Variants in EPC1 observed in about 807,000 individuals in gnomAD.
EPC1 encodes enhancer of polycomb 1.
EPC1 carries 12 observed loss-of-function variants against 98.4 expected under a neutral mutation model. The ratio of observed to expected loss-of-function variants is 0.12; its 90% CI spans 0.08 to 0.20. EPC1 has a LOEUF of 0.20. Ranked by LOEUF, EPC1 falls within the 10% of genes least tolerant of loss-of-function variation. The pLI, the probability that EPC1 is intolerant of heterozygous loss-of-function variation, is 1.00. For missense variants in EPC1, 729 were observed against 990.5 expected (o/e 0.74, Z 3.54); for synonymous variants, 357 against 363.9 (o/e 0.98, Z 0.21).
chr10:32,342,635 A>G (rs970760560), intron 1 of EPC1, among the ~76,000 whole-genome samples: 2 of 152,256 alleles, frequency 1.3e-5, no homozygotes, highest in African/African-American at 4.8e-5. Flanking sequence ...ACTGTAGGGT[A>G]GTATCAATAT....
At chr10:32,354,421 T>C (rs1355486749) in intron 1 of EPC1, among the ~76,000 whole-genome samples, 1 of 152,102 alleles carries the variant, frequency 6.6e-6, no homozygotes, top group East Asian at 1.9e-4. Context: ...GCCACTGCAC[T>C]CCAGCCTGGG....
intron 6 of EPC1, among the ~76,000 whole-genome samples, chr10:32,288,646 C>T (rs189630359): frequency 1.5e-3 from 230 of 152,132 alleles, no homozygotes; most frequent in Non-Finnish European, 2.7e-3. Context: ...CTGCTGCACC[C>T]GGCCTAAAGT....
chr10:32,354,472 G>T (rs1839213853), intron 1 of EPC1, among the ~76,000 whole-genome samples: 1 of 151,882 alleles, frequency 6.6e-6, no homozygotes, highest in Non-Finnish European at 1.5e-5. Flanking sequence ...GAAAGAAAAT[G>T]CGTGATTTAA....
intron 1 of EPC1, among the ~76,000 whole-genome samples, chr10:32,355,747 A>C (rs2133091353): frequency 6.6e-6 from 1 of 150,500 alleles, no homozygotes; most frequent in East Asian, 2.0e-4. Flanking sequence ...AGTAGCTGGG[A>C]CTACAGGCGT....
At chr10:32,280,207 C>T (rs1836329116) in intron 10 of EPC1, among the ~76,000 whole-genome samples, 1 of 152,150 alleles carries the variant, frequency 6.6e-6, no homozygotes, top group South Asian at 2.1e-4. Flanking sequence ...AGCCTCCCAG[C>T]ACTTTGGGAG....
Position 32,293,213 on chromosome 10 carries a change from T to C in EPC1, c.460-19A>G, listed in dbSNP as rs1358554593. The stretch of plus-strand genomic sequence containing the variant: ...TGACTGGCTAAATGTAAAACCATTA[T>C]GTCATTTTCATACAATACACATACA... On this transcript the variant is annotated intron_variant, in intron 3 of 13. Transcript: ENST00000319778. The C allele has an allele frequency of 8.9e-6, 14 of 1,581,044 alleles. No homozygotes were observed. The highest frequency in any genetic ancestry group is 6.1e-6 in the Non-Finnish European group (7 of 1,153,828).
intron 1 of EPC1, among the ~76,000 whole-genome samples, chr10:32,363,321 T>C (rs1839498033): frequency 6.6e-6 from 1 of 152,220 alleles, no homozygotes; most frequent in Admixed American, 6.5e-5. Flanking sequence ...GCTCAAAGGA[T>C]CTGCCTGCCT....
In EPC1 at chr10:32,272,138, A is replaced by G; in HGVS notation, c.1893T>C (p.Ala631=). 1 of 1,612,158 alleles carries G rather than the reference A, an allele frequency of 6.2e-7. No homozygotes were observed. Among genetic ancestry groups the G allele is most frequent in the South Asian group, 1.1e-5 (1 of 90,514 alleles). ...AAGCAGAAGCAGCAAACTGTGCACT[A>G]GCAGAATCCAAAGTCTTAGAAACAA... The part of the protein sequence containing the change: ...QGFVSKTLDS[A]SAQFAASALV... The change falls in exon 12 of 14, where the codon GCT becomes GCC. Residue 631 remains alanine, a synonymous_variant. Transcript: ENST00000319778.
chr10:32,324,379 A>C (rs1189994670), intron 1 of EPC1, among the ~76,000 whole-genome samples: 1 of 150,340 alleles, frequency 6.7e-6, no homozygotes, highest in Non-Finnish European at 1.5e-5. Flanking sequence ...AACGTAGTGA[A>C]ACCCGTCTCT....
At chr10:32,351,479 A>G (rs1839107134), upstream of EPC1, among the ~76,000 whole-genome samples, 1 of 151,924 alleles carries the variant, frequency 6.6e-6, no homozygotes, top group African/African-American at 2.4e-5. Context: ...CAACATGATG[A>G]AACCCTATCT....
In EPC1 at chr10:32,346,885, G is replaced by A. The variant is rs781578041; in HGVS notation, c.31C>T (p.Leu11=). Residue 11 remains leucine (L), a synonymous_variant, in exon 1 of 14, where the codon CTA becomes TTA. Coordinates refer to ENST00000319778, the MANE Select transcript of EPC1 (RefSeq NM_001272004.3). ...ACCGGCAGCGGCTTCGAGGCGTCTA[G>A]CGCCCGCGCCCGAAACGACAGTTTA... MSKLSFRARA[L]DASKPLPVFR... is the part of the protein sequence containing the mutation. The A allele has an allele frequency of 1.2e-6, 2 of 1,613,978 alleles. No homozygotes were observed. Among genetic ancestry groups the A allele is most frequent in the African/African-American group, 2.7e-5 (2 of 74,948 alleles).
intron 2 of EPC1, among the ~76,000 whole-genome samples, chr10:32,303,270 C>T (rs1260834149): frequency 6.6e-6 from 1 of 152,192 alleles, no homozygotes. Flanking sequence ...CCACTGCACT[C>T]CAGCCTGGGT....
chr10:32,281,314 G>T (rs1836399712), intron 10 of EPC1, among the ~76,000 whole-genome samples: 1 of 152,142 alleles, frequency 6.6e-6, no homozygotes, highest in Non-Finnish European at 1.5e-5. Context: ...AAAGTGCTGG[G>T]ATTACAGGCA....
intron 1 of EPC1, among the ~76,000 whole-genome samples, chr10:32,355,049 A>G (rs1360775892): frequency 6.6e-6 from 1 of 152,210 alleles, no homozygotes; most frequent in Non-Finnish European, 1.5e-5. Context: ...AAAGTGCACA[A>G]TAAATGTAAT....
chr10:32,316,955 T>C (rs1283079610), intron 1 of EPC1, among the ~76,000 whole-genome samples: 3 of 152,176 alleles, frequency 2.0e-5, no homozygotes, highest in Non-Finnish European at 4.4e-5. Context: ...GGTGATAAAA[T>C]AAATAATAAC....
intron 1 of EPC1, among the ~76,000 whole-genome samples, chr10:32,309,182 T>C (rs764759664): frequency 6.6e-6 from 1 of 152,066 alleles, no homozygotes; most frequent in Non-Finnish European, 1.5e-5. Context: ...TATAGTGAGA[T>C]AGAATGAATA....
intron 2 of EPC1, among the ~76,000 whole-genome samples, chr10:32,296,385 C>A (rs1370232312): frequency 1.3e-5 from 2 of 152,208 alleles, no homozygotes; most frequent in Non-Finnish European, 2.9e-5. Context: ...CCAAGGATCA[C>A]CTTGCTTCGC....
intron 1 of EPC1, chr10:32,345,710 T>A: frequency 2.4e-6 from 2 of 819,090 alleles, no homozygotes; most frequent in Non-Finnish European, 2.9e-6. Flanking sequence ...TGGTAAAATG[T>A]CTATTAGTTG....
At chr10:32,326,105 C>T (rs2132939526) in intron 1 of EPC1, among the ~76,000 whole-genome samples, 1 of 152,294 alleles carries the variant, frequency 6.6e-6, no homozygotes, top group Admixed American at 6.5e-5. Flanking sequence ...ACAGTTAACA[C>T]ACTGCAAGGA....
Sources: allele counts gnomAD v4.1 joint callset (sites outside exome capture counted in the v4.1 genomes callset), GRCh38; gene constraint gnomAD v4.1.1; transcripts MANE v1.5; gene names NCBI Gene and HGNC (gene_info 2026-07-23, HGNC 2026-07-21).